Variants in DPH6 observed in about 807,000 individuals in gnomAD.
DPH6 encodes diphthamine biosynthesis 6.
DPH6 carries 33 observed loss-of-function variants against 38.2 expected under a neutral mutation model. That is an observed-to-expected ratio of 0.86 (90% CI 0.65 to 1.15). DPH6 has a LOEUF of 1.15. DPH6 is among the 50% of genes most tolerant of loss of function. The probability of loss-of-function intolerance (pLI) is 0.00; values close to 1 mark genes in which losing one functional copy is unlikely to be tolerated. For missense variants in DPH6, 325 were observed against 320.0 expected, an observed-to-expected ratio of 1.02 and a Z score of -0.12; for synonymous variants, 108 against 103.0, an observed-to-expected ratio of 1.05 and a Z score of -0.30.
At chr15:35,255,201 G>A (rs1361382500) in intron 3 of DPH6, among the ~76,000 whole-genome samples, 1 of 152,130 alleles carries the variant, frequency 6.6e-6, no homozygotes, top group African/African-American at 2.4e-5. Context: ...GGTGACAGCC[G>A]AAGAACCATT....
chr15:35,315,519 T>A (rs373319967), intron 3 of DPH6, among the ~76,000 whole-genome samples: 2 of 152,206 alleles, frequency 1.3e-5, no homozygotes, highest in Non-Finnish European at 2.9e-5. Flanking sequence ...AAATGGTTTA[T>A]GTCAAAAAGA....
intron 6 of DPH6, among the ~76,000 whole-genome samples, chr15:35,384,285 T>C (rs1352532639): frequency 1.3e-5 from 2 of 152,220 alleles, no homozygotes; most frequent in Non-Finnish European, 2.9e-5. Context: ...TCAATGAATT[T>C]TCATGATTCT....
chr15:35,192,337 C>T, the DPH6 span, among the ~76,000 whole-genome samples: 1 of 152,166 alleles, frequency 6.6e-6, no homozygotes, highest in South Asian at 2.1e-4. Flanking sequence ...CGTAAAGTTC[C>T]TGGCACTGTA....
At chr15:35,194,300 A>C in the DPH6 span, among the ~76,000 whole-genome samples, 633 of 152,198 alleles carry the variant, frequency 4.2e-3, 5 homozygotes, top group Non-Finnish European at 7.5e-3. Context: ...GTTTTGAGCA[A>C]AAGTCAAAGG....
intron 3 of DPH6, chr15:35,489,208 T>G (rs927664364): frequency 9.9e-6 from 4 of 405,268 alleles, no homozygotes; most frequent in Non-Finnish European, 1.0e-5. Context: ...AACAGAGAGA[T>G]ATAATCTTGG....
At chr15:35,155,247 T>A in the DPH6 span, among the ~76,000 whole-genome samples, 1 of 136,270 alleles carries the variant, frequency 7.3e-6, no homozygotes, top group Non-Finnish European at 1.7e-5. Context: ...TCCTTATAAC[T>A]GAAACAAGAG....
At chr15:35,384,232 A>G (rs1386118032) in intron 6 of DPH6, among the ~76,000 whole-genome samples, 2 of 152,110 alleles carry the variant, frequency 1.3e-5, no homozygotes, top group Non-Finnish European at 2.9e-5. Context: ...CATTGTAATG[A>G]AAAATACTAA....
intron 3 of DPH6, among the ~76,000 whole-genome samples, chr15:35,255,990 A>G: frequency 6.6e-6 from 1 of 152,124 alleles, no homozygotes; most frequent in Non-Finnish European, 1.5e-5. Flanking sequence ...TATAATATAC[A>G]TATTTGTTTG....
At chr15:35,179,231 A>G in the DPH6 span, among the ~76,000 whole-genome samples, 1 of 151,284 alleles carries the variant, frequency 6.6e-6, no homozygotes, top group Non-Finnish European at 1.5e-5. Flanking sequence ...AAAAAAAGAA[A>G]AAAAATGTTA....
At chr15:35,246,754 A>C (rs2051640206) in intron 3 of DPH6, among the ~76,000 whole-genome samples, 1 of 152,200 alleles carries the variant, frequency 6.6e-6, no homozygotes, top group Non-Finnish European at 1.5e-5. Flanking sequence ...TGACTGTAGG[A>C]GGCATGGCTC....
chr15:35,538,200 C>T (rs921158170), intron 3 of DPH6, 74 bp downstream of exon 3: 4 of 1,280,000 alleles, frequency 3.1e-6, no homozygotes, highest in African/African-American at 1.5e-5. Flanking sequence ...TTACGGATTA[C>T]TAAATAATTC....
intron 5 of DPH6, among the ~76,000 whole-genome samples, chr15:35,423,070 T>C (rs1472370602): frequency 6.6e-6 from 1 of 151,902 alleles, no homozygotes; most frequent in African/African-American, 2.4e-5. Context: ...CCTTTGGGTA[T>C]ATACTCAGAA....
At chr15:35,333,715 G>C (rs1214353857) in intron 3 of DPH6, among the ~76,000 whole-genome samples, 1 of 152,154 alleles carries the variant, frequency 6.6e-6, no homozygotes, top group East Asian at 1.9e-4. Context: ...AGACAGTGTG[G>C]TGATTCCTTA....
At chr15:35,484,031 T>C (rs572786583) in intron 3 of DPH6, among the ~76,000 whole-genome samples, 1 of 152,288 alleles carries the variant, frequency 6.6e-6, no homozygotes, top group Non-Finnish European at 1.5e-5. Flanking sequence ...TTGAGATATG[T>C]GAGCAAGAGT....
intron 3 of DPH6, among the ~76,000 whole-genome samples, chr15:35,236,354 G>T (rs1329872109): frequency 2.0e-5 from 3 of 152,204 alleles, no homozygotes; most frequent in Admixed American, 6.5e-5. Context: ...AACCTCAAGT[G>T]TTGGCTGGGC....
chr15:35,451,180 C>T (rs1566914604), intron 4 of DPH6, among the ~76,000 whole-genome samples: 2 of 152,018 alleles, frequency 1.3e-5, no homozygotes, highest in Non-Finnish European at 2.9e-5. Flanking sequence ...AAAATAGCCA[C>T]ATATTTATTA....
chr15:35,237,273 G>T (rs567732069), intron 3 of DPH6: 14 of 1,494,296 alleles, frequency 9.4e-6, no homozygotes, highest in Non-Finnish European at 4.7e-6. Flanking sequence ...ACGCGCGGCC[G>T]TGTTATTGAT....
chr15:35,520,981 T>G (rs1050686398), intron 3 of DPH6: 2 of 985,224 alleles, frequency 2.0e-6, no homozygotes, highest in Non-Finnish European at 1.2e-6. Flanking sequence ...GTGTTACAAA[T>G]TCTCCAGTAA....
intron 3 of DPH6, among the ~76,000 whole-genome samples, chr15:35,250,950 T>C (rs1344880018): frequency 1.3e-5 from 2 of 152,230 alleles, no homozygotes; most frequent in African/African-American, 4.8e-5. Flanking sequence ...TTTTGATTTG[T>C]GTTACCAATA....
Sources: gnomAD v4.1 joint callset for allele counts (sites outside exome capture counted in the v4.1 genomes callset) on GRCh38, gnomAD v4.1.1 for gene constraint, MANE v1.5 for transcripts, NCBI Gene and HGNC (gene_info 2026-07-23, HGNC 2026-07-21) for gene names.